TMEM132D: variants seen among roughly 807,000 people sequenced by gnomAD.
TMEM132D encodes mature OL transmembrane protein.
A neutral mutation model predicts 62.3 loss-of-function variants in TMEM132D; 21 were observed. The observed-to-expected ratio is 0.34, with a 90% confidence interval of 0.24 to 0.49. The LOEUF (loss-of-function observed/expected upper bound fraction) is 0.49. TMEM132D is among the 20% of genes least tolerant of loss of function. The pLI, the probability that TMEM132D is intolerant of heterozygous loss-of-function variation, is 0.99. For missense variants in TMEM132D, 1,346 were observed against 1,402.8 expected, an observed-to-expected ratio of 0.96 and a Z score of 0.65; for synonymous variants, 621 against 575.6, an observed-to-expected ratio of 1.08 and a Z score of -1.13.
At chr12:129,163,995 A>G (rs796213815) in intron 5 of TMEM132D, among the ~76,000 whole-genome samples, 4 of 152,330 alleles carry the variant, frequency 2.6e-5, no homozygotes, top group South Asian at 4.1e-4. Context: ...CGTGACACCA[A>G]ATGGGTTCCC....
chr12:129,154,161 C>T (rs1023285616), intron 5 of TMEM132D, among the ~76,000 whole-genome samples: 1 of 152,094 alleles, frequency 6.6e-6, no homozygotes, highest in Admixed American at 6.5e-5. Flanking sequence ...TCTGAAGATC[C>T]AGTGAAGGGG....
At chr12:129,723,362 C>G (rs189129096) in intron 1 of TMEM132D, among the ~76,000 whole-genome samples, 1 of 152,186 alleles carries the variant, frequency 6.6e-6, no homozygotes, top group Non-Finnish European at 1.5e-5. Flanking sequence ...TCTGTCCATG[C>G]AGTCGCTCTC....
At chr12:129,481,425 T>A (rs114473566) in intron 3 of TMEM132D, among the ~76,000 whole-genome samples, 1 of 145,842 alleles carries the variant, frequency 6.9e-6, no homozygotes. Context: ...ATACCACCAC[T>A]GCACTCCAGC....
chr12:129,676,966 A>C (rs1880647168), intron 2 of TMEM132D, among the ~76,000 whole-genome samples: 1 of 152,044 alleles, frequency 6.6e-6, no homozygotes, highest in Non-Finnish European at 1.5e-5. Flanking sequence ...TTTCCACCTA[A>C]TGTTTTAGAA....
intron 2 of TMEM132D, among the ~76,000 whole-genome samples, chr12:129,541,152 A>G (rs1340336196): frequency 6.6e-6 from 1 of 152,220 alleles, no homozygotes; most frequent in Non-Finnish European, 1.5e-5. Context: ...GCGGCTACTT[A>G]GAACCACTTA....
intron 4 of TMEM132D, among the ~76,000 whole-genome samples, chr12:129,304,990 C>A (rs1012145360): frequency 6.6e-6 from 1 of 152,106 alleles, no homozygotes; most frequent in African/African-American, 2.4e-5. Flanking sequence ...CTCAATGAAA[C>A]CTTTGCCAAC....
chr12:129,230,309 G>C lies in TMEM132D; in HGVS notation c.1300-20646C>G, dbSNP rs545840106. Among the ~76,000 whole-genome samples, 55 of 149,340 alleles carry C rather than the reference G, an allele frequency of 3.7e-4. 1 individual carries two copies. The South Asian group carries it at 8.6e-3, about 23-fold the overall frequency. On this transcript the variant is annotated intron_variant, in intron 4 of 8. Coordinates refer to ENST00000422113, the MANE Select transcript of TMEM132D (RefSeq NM_133448.3). ...TTCCTAAACTCCTTCTGTGTTGGAG[G>C]GGGGGGGCTCCCCAGCCTGGCCATC... is the stretch of plus-strand genomic sequence containing the variant.
chr12:129,446,739 A>C (rs1039588942), intron 3 of TMEM132D, among the ~76,000 whole-genome samples: 1 of 152,152 alleles, frequency 6.6e-6, no homozygotes, highest in African/African-American at 2.4e-5. Context: ...CTGCTGTCAA[A>C]AATATATTCC....
chr12:129,434,608 A>T (rs1872741962), intron 3 of TMEM132D, among the ~76,000 whole-genome samples: 1 of 152,102 alleles, frequency 6.6e-6, no homozygotes, highest in South Asian at 2.1e-4. Flanking sequence ...CCTGAGACGA[A>T]TCCAGGATTT....
At chr12:129,128,569 G>A (rs1876283072) in intron 5 of TMEM132D, among the ~76,000 whole-genome samples, 1 of 152,174 alleles carries the variant, frequency 6.6e-6, no homozygotes, top group Non-Finnish European at 1.5e-5. Flanking sequence ...CCCTTGACAT[G>A]TGGGGCTTAC....
At chr12:129,355,658 T>A (rs564042700) in intron 3 of TMEM132D, among the ~76,000 whole-genome samples, 1 of 152,180 alleles carries the variant, frequency 6.6e-6, no homozygotes, top group Admixed American at 6.5e-5. Context: ...CAAATTATGG[T>A]GGATAGTGTC....
chr12:129,118,720 A>G (rs1221503220), intron 5 of TMEM132D, among the ~76,000 whole-genome samples: 6 of 152,192 alleles, frequency 3.9e-5, no homozygotes, highest in Non-Finnish European at 8.8e-5. Context: ...AATGAATTGA[A>G]TTCATTGAAT....
At chr12:129,616,231 C>T (rs1350178005) in intron 2 of TMEM132D, among the ~76,000 whole-genome samples, 5 of 152,168 alleles carry the variant, frequency 3.3e-5, no homozygotes, top group East Asian at 1.9e-4. Flanking sequence ...GAAGAAGTTG[C>T]GGTAGCCTTC....
Position 129,123,591 on chromosome 12 carries a change from C to A in TMEM132D, c.1444-38889G>T, listed in dbSNP as rs147690497. Among the ~76,000 whole-genome samples the A allele has an allele frequency of 3.1e-3, 460 of 148,708 alleles. 2 individuals carry two copies. Among genetic ancestry groups the A allele is most frequent in the Non-Finnish European group, 3.0e-3 (201 of 66,004 alleles). ...TCGCAAAGGATACTGTGATGGTTGA[C>A]TTTATGTGTCAACTTGACTGGGTTA... On this transcript the variant is annotated intron_variant, in intron 5 of 8. Transcript: ENST00000422113.
intron 3 of TMEM132D, among the ~76,000 whole-genome samples, chr12:129,430,267 T>A (rs567865145): frequency 6.6e-6 from 1 of 152,342 alleles, no homozygotes; most frequent in South Asian, 2.1e-4. Flanking sequence ...TTTTTAATGA[T>A]CGCCATTCTA....
rs750154716 is a variant in TMEM132D, at chr12:129,700,370, G to T, written c.408C>A (p.Asp136Glu). ...CTTTGGGCCGGCTCAGGTAGACTTT[G>T]TCCCGCAGGATGTGGGCTTTTAGTT... is the stretch of plus-strand genomic sequence containing the variant. ...NWKLKAHILR[D>E]KVYLSRPKVQ... Residue 136 changes from aspartate (D) to glutamate (E), a missense_variant, in exon 2 of 9, where the codon GAC becomes GAA. Transcript: ENST00000422113. 2.5e-6 allele frequency: 4 copies of T among 1,614,074 alleles called. No individual in the cohort carries two copies. The highest frequency in any genetic ancestry group is 3.4e-6 in the Non-Finnish European group (4 of 1,180,050).
chr12:129,448,260 G>T (rs1454505748), intron 3 of TMEM132D, among the ~76,000 whole-genome samples: 1 of 152,106 alleles, frequency 6.6e-6, no homozygotes, highest in African/African-American at 2.4e-5. Flanking sequence ...TATATGTGCA[G>T]GTTCGTTACA....
intron 5 of TMEM132D, among the ~76,000 whole-genome samples, chr12:129,134,116 T>TTGTGTGTGTGTGTGTCTGTGTGTTG (rs1876470089): frequency 6.9e-6 from 1 of 144,390 alleles, no homozygotes; most frequent in Admixed American, 6.8e-5. Context: ...TGTCTGTGTG[T>TTGTGTGTGTGTGTGTCTGTGTGTTG]TGTGTGTGTG....
intron 1 of TMEM132D, among the ~76,000 whole-genome samples, chr12:129,883,299 A>C (rs1004575665): frequency 1.3e-5 from 2 of 152,200 alleles, no homozygotes; most frequent in Non-Finnish European, 2.9e-5. Context: ...AAAAATCTGG[A>C]AGACCAGTAG....
Sources: allele counts gnomAD v4.1 joint callset (sites outside exome capture counted in the v4.1 genomes callset), GRCh38; gene constraint gnomAD v4.1.1; transcripts MANE v1.5; gene names NCBI Gene and HGNC (gene_info 2026-07-23, HGNC 2026-07-21).